Variants in IGSF21 observed in about 807,000 individuals in gnomAD.
The protein encoded by IGSF21 is immunoglobin superfamily member 21.
IGSF21 carries 28 observed loss-of-function variants against 46.8 expected under a neutral mutation model. That is an observed-to-expected ratio of 0.60 (90% confidence interval 0.44 to 0.82). IGSF21 has a LOEUF of 0.82. Ranked by LOEUF, IGSF21 falls within the 40% of genes least tolerant of loss-of-function variation. The pLI is 0.00. For missense variants in IGSF21, 624 were observed against 665.5 expected, an observed-to-expected ratio of 0.94 and a Z score of 0.69; for synonymous variants, 284 against 273.6, an observed-to-expected ratio of 1.04 and a Z score of -0.38.
At chr1:18,227,257 T>C (rs2084577575) in intron 1 of IGSF21, among the ~76,000 whole-genome samples, 1 of 151,990 alleles carries the variant, frequency 6.6e-6, no homozygotes. Flanking sequence ...CCAATGGTGG[T>C]TTCCCAGGGC....
At position 18,334,805 on chromosome 1, in the gene IGSF21, C is replaced by T; in HGVS notation, c.306-87C>T. ...CTGTGTTTGTTAGTGGAGGCTGCAC[C>T]AGTGGGCATCAGGATGAGTTTCCTT... On this transcript the variant is annotated intron_variant, in intron 3 of 9. Coordinates refer to ENST00000251296, the MANE Select transcript of IGSF21 (RefSeq NM_032880.5). This position sits in a 1 kb window ranked among gnomAD's most constrained non-coding sequence, Gnocchi z 4.3. 1.1e-6 allele frequency: 1 copy of T among 918,548 alleles called. No individual in the cohort carries two copies. The highest frequency in any genetic ancestry group is 2.4e-5 in the East Asian group (1 of 41,428). 56.9% of individuals were successfully genotyped at this position (918,548 alleles called of 1,614,324 possible).
At chr1:18,194,092 A>G (rs1338557837) in intron 1 of IGSF21, among the ~76,000 whole-genome samples, 1 of 152,128 alleles carries the variant, frequency 6.6e-6, no homozygotes, top group Non-Finnish European at 1.5e-5. Context: ...TGAATTTAGG[A>G]TAATAGGAAT....
At chr1:18,269,766 C>T (rs769636949) in intron 2 of IGSF21, among the ~76,000 whole-genome samples, 5 of 152,186 alleles carry the variant, frequency 3.3e-5, no homozygotes, top group Admixed American at 6.5e-5. Flanking sequence ...ATGGTGATCT[C>T]GGACCTTTCT....
At chr1:18,193,985 C>T (rs2086983307) in intron 1 of IGSF21, among the ~76,000 whole-genome samples, 1 of 152,168 alleles carries the variant, frequency 6.6e-6, no homozygotes, top group South Asian at 2.1e-4. Context: ...ACTAGTCAGC[C>T]TCAGTAAGCC....
chr1:18,117,654 G>A (rs2124404121), intron 1 of IGSF21, among the ~76,000 whole-genome samples: 1 of 152,266 alleles, frequency 6.6e-6, no homozygotes, highest in East Asian at 1.9e-4. Context: ...ATGATGTTTG[G>A]CTCCCCACCA....
At chr1:18,253,175 G>A (rs1004264615) in intron 2 of IGSF21, among the ~76,000 whole-genome samples, 1 of 152,254 alleles carries the variant, frequency 6.6e-6, no homozygotes. Flanking sequence ...ATCTTCATCC[G>A]ATGTGCAGGG....
chr1:18,278,521 G>A (rs1414145481), intron 2 of IGSF21, among the ~76,000 whole-genome samples: 1 of 139,834 alleles, frequency 7.2e-6, no homozygotes, highest in Non-Finnish European at 1.5e-5. Flanking sequence ...GATTACAGGT[G>A]TAAGGTTTTT....
intron 1 of IGSF21, among the ~76,000 whole-genome samples, chr1:18,145,336 A>G (rs1382866291): frequency 6.6e-6 from 1 of 151,950 alleles, no homozygotes; most frequent in Non-Finnish European, 1.5e-5. Context: ...CTCAATTCAC[A>G]CTCCCTATAA....
intron 1 of IGSF21, among the ~76,000 whole-genome samples, chr1:18,134,266 G>A (rs950148575): frequency 6.6e-6 from 1 of 152,126 alleles, no homozygotes; most frequent in African/African-American, 2.4e-5. Context: ...TTAGAGGTCT[G>A]ATTCTGCTGT....
At chr1:18,163,608 A>G (rs1324082934) in intron 1 of IGSF21, among the ~76,000 whole-genome samples, 1 of 152,176 alleles carries the variant, frequency 6.6e-6, no homozygotes, top group Admixed American at 6.5e-5. Context: ...TCCTGAGATA[A>G]GCCTATGCTG....
At chr1:18,155,406 A>AG (rs2086559394) in intron 1 of IGSF21, among the ~76,000 whole-genome samples, 1 of 152,182 alleles carries the variant, frequency 6.6e-6, no homozygotes, top group Non-Finnish European at 1.5e-5. Context: ...CCTACTTTGT[A>AG]GGGTTGCTAT....
At chr1:18,288,464 A>G (rs559736654) in intron 2 of IGSF21, among the ~76,000 whole-genome samples, 24 of 152,230 alleles carry the variant, frequency 1.6e-4, no homozygotes, top group Non-Finnish European at 3.5e-4. Context: ...ATGGGCTGCA[A>G]CCATGTCTGA....
intron 1 of IGSF21, among the ~76,000 whole-genome samples, chr1:18,167,983 A>C (rs570846889): frequency 2.0e-5 from 3 of 152,118 alleles, no homozygotes; most frequent in African/African-American, 7.2e-5. Context: ...CTACCGCAGG[A>C]ACACCTGCTC....
intron 6 of IGSF21, among the ~76,000 whole-genome samples, chr1:18,368,924 G>T (rs1428388253): frequency 6.6e-6 from 1 of 152,304 alleles, no homozygotes; most frequent in South Asian, 2.1e-4. Flanking sequence ...CTGCTGGCCT[G>T]TGTGACCCCT....
Position 18,376,802 on chromosome 1 carries a change from C to T in IGSF21, c.1104C>T (p.Asn368=), listed in dbSNP as rs775617032. ...TVRILVHGFQ[N]EVFPEPMFTW... ...CTCTCCCCTGATCTGGCCAACAGAA[C>T]GAAGTCTTCCCGGAGCCCATGTTCA... The change falls in exon 8 of 10, where the codon AAC becomes AAT. Residue 368 remains asparagine (N), a splice_region_variant and synonymous_variant. Coordinates refer to ENST00000251296, the MANE Select transcript of IGSF21 (RefSeq NM_032880.5). The T allele has an allele frequency of 2.6e-5, 42 of 1,585,394 alleles. No individual in the cohort carries two copies. Among genetic ancestry groups the T allele is most frequent in the Middle Eastern group, 1.7e-4 (1 of 5,744 alleles).
At chr1:18,294,280 C>T (rs1298444977) in intron 3 of IGSF21, among the ~76,000 whole-genome samples, 6 of 152,148 alleles carry the variant, frequency 3.9e-5, no homozygotes, top group Non-Finnish European at 7.3e-5. Context: ...TGCTGGTTTC[C>T]GGCCTCTAAG....
At chr1:18,144,196 T>C (rs568624297) in intron 1 of IGSF21, among the ~76,000 whole-genome samples, 127 of 152,286 alleles carry the variant, frequency 8.3e-4, no homozygotes, top group African/African-American at 2.7e-3. Context: ...CAGGAGCCTC[T>C]GCTCCTCCCA....
At chr1:18,260,516 T>C (rs74056571) in intron 2 of IGSF21, among the ~76,000 whole-genome samples, 4,677 of 152,328 alleles carry the variant, frequency 0.031, 226 homozygotes, top group African/African-American at 0.091. Context: ...AGTGCACCCA[T>C]AGTCATAGTG....
In IGSF21 at chr1:18,251,885, A is replaced by G. The variant is rs551306309; in HGVS notation, c.183+23875A>G. Among the ~76,000 whole-genome samples, 81 of 152,218 alleles carry G rather than the reference A, an allele frequency of 5.3e-4. 1 individual carries two copies. Among genetic ancestry groups the G allele is most frequent in the Non-Finnish European group, 9.4e-4 (64 of 68,006 alleles). ...TAACATTCATACAACACTTGGTACT[A>G]TGGCTAAGCAGTAGGCCCCCACTAC... On this transcript the variant is annotated intron_variant, in intron 2 of 9. Coordinates refer to ENST00000251296, the MANE Select transcript of IGSF21 (RefSeq NM_032880.5).
Sources: allele counts gnomAD v4.1 joint callset (sites outside exome capture counted in the v4.1 genomes callset), GRCh38; gene constraint gnomAD v4.1.1; non-coding constraint Gnocchi (gnomAD v3.1); transcripts MANE v1.5; gene names NCBI Gene and HGNC (gene_info 2026-07-23, HGNC 2026-07-21).